TTN: variants seen among roughly 807,000 people sequenced by gnomAD.
TTN encodes connectin.
In TTN, 1,525 loss-of-function variants were observed where a neutral mutation model predicts 3,223.0. That is an observed-to-expected ratio of 0.47 (90% CI 0.45 to 0.49). The LOEUF is 0.49. Ranked by LOEUF, TTN falls within the 20% of genes least tolerant of loss-of-function variation. The pLI, the probability that TTN is intolerant of heterozygous loss-of-function variation, is 0.00. For missense variants in TTN, 40,786 were observed against 43,424.0 expected (o/e 0.94, Z 5.40); for synonymous variants, 14,094 against 15,161.0 (o/e 0.93, Z 5.17).
intron 242 of TTN, 149 bp from the exon 243 acceptor site, chr2:178,622,916 C>G: frequency 1.5e-6 from 1 of 676,486 alleles, no homozygotes; most frequent in Non-Finnish European, 2.5e-6. Flanking sequence ...TTGAAGCTGC[C>G]CATCAGGTAT....
In TTN at chr2:178,562,458, C is replaced by A; in HGVS notation, c.83674G>T (p.Gly27892Cys). Residue 27892 changes from glycine to cysteine, a missense_variant, in exon 326 of 363, where the codon GGC becomes TGC. By Grantham distance (159) the Gly-to-Cys change is radical (BLOSUM62 -3). Coordinates refer to ENST00000589042, the MANE Select transcript of TTN (RefSeq NM_001267550.2). ...ACCACATAACCAGTAATTTTGCTGCCACCATCACTTTCTGGTTTCTCCCAC... is the reference window on the plus strand; with the variant it reads ...ACCACATAACCAGTAATTTTGCTGCAACCATCACTTTCTGGTTTCTCCCAC... ...IKWEKPESDGGSKITGYVVEM... is the reference protein window; with the variant it reads ...IKWEKPESDGCSKITGYVVEM... 6.2e-7 allele frequency: 1 copy of A among 1,613,342 alleles called. No individual in the cohort carries two copies. Among genetic ancestry groups the A allele is most frequent in the South Asian group, 1.1e-5 (1 of 90,990 alleles).
rs372575606 is a variant in TTN, at chr2:178,692,111, C to T, written c.31679-12G>A. ...GGGAACCTCAGGAACTTTAAAGATA[C>T]AATTGTTGAAATAATGTGGAATATT... On this transcript the variant is annotated splice_polypyrimidine_tract_variant and intron_variant, in intron 120 of 362. Transcript: ENST00000589042. 99 of 1,609,364 alleles carry T rather than the reference C, an allele frequency of 6.2e-5. No individual in the cohort carries two copies. The highest frequency in any genetic ancestry group is 8.0e-5 in the Non-Finnish European group (94 of 1,176,494).
Position 178,607,847 on chromosome 2 carries a change from A to T in TTN, c.52940T>A (p.Val17647Asp). The part of the protein sequence containing the change: ...GADYKLRVSA[V>D]NAAGEGPPGE... Reference sequence around the variant, plus strand: ...AGGCGGTCCTTCCCCTGCGGCATTGACAGCACTCACCCGAAGTTTGTAATC... The same window carrying T: ...AGGCGGTCCTTCCCCTGCGGCATTGTCAGCACTCACCCGAAGTTTGTAATC... The change falls in exon 276 of 363, where the codon GTC becomes GAC. Residue 17647 changes from valine to aspartate, a missense_variant. Transcript: ENST00000589042. 1 of 1,613,048 alleles carries T rather than the reference A, an allele frequency of 6.2e-7. No homozygotes were observed. The highest frequency in any genetic ancestry group is 8.5e-7 in the Non-Finnish European group (1 of 1,179,358).
Position 178,591,831 on chromosome 2 carries a change from T to G in TTN, c.59988A>C (p.Leu19996=). ...HVDVDKTEVS[L]VWNKPDRDGG... ...CATCACGATCCGGCTTATTCCAGAC[T>G]AGGGAGACTTCAGTCTTGTCAACAT... is the stretch of plus-strand genomic sequence containing the variant. Residue 19996 remains leucine (L), a synonymous_variant, in exon 303 of 363, where the codon CTA becomes CTC. Coordinates refer to ENST00000589042, the MANE Select transcript of TTN (RefSeq NM_001267550.2). 1 of 1,613,236 alleles carries G rather than the reference T, an allele frequency of 6.2e-7. No homozygotes were observed. Among genetic ancestry groups the G allele is most frequent in the East Asian group, 2.2e-5 (1 of 44,674 alleles).
chr2:178,717,407 G>T lies in TTN; in HGVS notation c.25352-25C>A. On this transcript the variant is annotated intron_variant, in intron 87 of 362. Transcript: ENST00000589042. ...TCTGAAAAGAATGAAGACCAACATGGTGATTTTTATTTCCATGCTCTCACA... is the reference window on the plus strand; with the variant it reads ...TCTGAAAAGAATGAAGACCAACATGTTGATTTTTATTTCCATGCTCTCACA... The T allele has an allele frequency of 2.5e-6, 4 of 1,588,838 alleles. No individual in the cohort carries two copies. The South Asian group carries it at 4.6e-5, about 18-fold the overall frequency.
At chr2:178,606,493 AT>A (rs750026094) in intron 278 of TTN, among the ~76,000 whole-genome samples, 38 of 151,888 alleles carry the variant, frequency 2.5e-4, no homozygotes, top group African/African-American at 7.2e-4. Context: ...TGTGTGTGCA[AT>A]TTTAGTGTTT....
Position 178,567,029 on chromosome 2 carries a change from C to A in TTN, c.79103G>T (p.Gly26368Val), listed in dbSNP as rs371325635. The change falls in exon 326 of 363, where the codon GGT becomes GTT. Residue 26368 changes from glycine (G) to valine (V), a missense_variant. By Grantham distance (109) the Gly-to-Val change is moderately radical (BLOSUM62 -3). Coordinates refer to ENST00000589042, the MANE Select transcript of TTN (RefSeq NM_001267550.2). ...TGCAGATTCCAAAGGCTCTCCAACA[C>A]CATATTTGTTGACAGCCATTATACG... ...VFRIMAVNKY[G>V]VGEPLESAPV... 31 of 1,613,498 alleles carry A rather than the reference C, an allele frequency of 1.9e-5. No homozygotes were observed. The highest frequency in any genetic ancestry group is 2.3e-5 in the Non-Finnish European group (27 of 1,179,664).
rs192953152 is a variant in TTN, at chr2:178,616,934, T to C, written c.47955A>G (p.Pro15985=). The C allele has an allele frequency of 9.0e-5, 145 of 1,612,708 alleles. No homozygotes were observed. The African/African-American group carries it at 1.8e-3, about 20-fold the overall frequency. Reference sequence around the variant, plus strand: ...CAGTTGGCCTTGGATAGCCTGTACTTGGAACCAGGATCGTGATAGGATTTG... The same window carrying C: ...CAGTTGGCCTTGGATAGCCTGTACTCGGAACCAGGATCGTGATAGGATTTG... The part of the protein sequence containing the change: ...IVPNPITILV[P]STGYPRPTAT... The change falls in exon 256 of 363, where the codon CCA becomes CCG. Residue 15985 remains proline, a synonymous_variant. Coordinates refer to ENST00000589042, the MANE Select transcript of TTN (RefSeq NM_001267550.2).
intron 169 of TTN, 49 bp from the exon 170 acceptor site, chr2:178,663,951 GA>G: frequency 6.2e-7 from 1 of 1,611,568 alleles, no homozygotes. Context: ...AAGACCGCTA[GA>G]AAAAAATATT....
At chr2:178,540,974 A>G (rs979255006) in intron 350 of TTN, among the ~76,000 whole-genome samples, 9 of 152,170 alleles carry the variant, frequency 5.9e-5, no homozygotes, top group Admixed American at 1.3e-4. Flanking sequence ...AACTTGTTTT[A>G]AAATTTTAAG....
intron 314 of TTN, 29 bp from the exon 315 acceptor site, chr2:178,582,237 C>T: frequency 2.5e-6 from 4 of 1,584,228 alleles, no homozygotes; most frequent in Admixed American, 2.0e-5. Flanking sequence ...AAGTTAATTT[C>T]CCAGGCTAAA....
At position 178,684,092 on chromosome 2, in the gene TTN, G is replaced by A; in HGVS notation, c.32723-10C>T. Reference sequence around the variant, plus strand: ...TTCGGTTCCTCTGGCACTTTAAAGAGAGATTTCACTTTAAAGTATTGTTTC... The same window carrying A: ...TTCGGTTCCTCTGGCACTTTAAAGAAAGATTTCACTTTAAAGTATTGTTTC... On this transcript the variant is annotated splice_polypyrimidine_tract_variant and intron_variant, in intron 132 of 362. Transcript: ENST00000589042. 6.2e-7 allele frequency: 1 copy of A among 1,611,506 alleles called. No homozygotes were observed. The highest frequency in any genetic ancestry group is 1.1e-5 in the South Asian group (1 of 90,594).
Position 178,545,989 on chromosome 2 carries a change from C to A in TTN, c.95247G>T (p.Glu31749Asp). 6.2e-7 allele frequency: 1 copy of A among 1,613,812 alleles called. No homozygotes were observed. Among genetic ancestry groups the A allele is most frequent in the South Asian group, 1.1e-5 (1 of 91,088 alleles). The change falls in exon 343 of 363, where the codon GAG becomes GAT. Residue 31749 changes from glutamate (E) to aspartate (D), a missense_variant. By Grantham distance (45) the Glu-to-Asp change is conservative. Coordinates refer to ENST00000589042, the MANE Select transcript of TTN (RefSeq NM_001267550.2). The part of the protein sequence containing the change: ...EITHYIVERR[E>D]TSRLNWVIVE... ...CAATCACCCAGTTGAGCCTGCTAGT[C>A]TCGCGTCTTTCCACGATGTAGTGAG...
At chr2:178,727,510 TAG>T in intron 68 of TTN, 73 bp downstream of exon 68, 1 of 1,514,192 alleles carries the variant, frequency 6.6e-7, no homozygotes, top group Non-Finnish European at 8.8e-7. Flanking sequence ...CTTGATTGTT[TAG>T]AGACATTGTA....
chr2:178,747,198 C>T, intron 47 of TTN: 1 of 1,611,402 alleles, frequency 6.2e-7, no homozygotes, highest in Non-Finnish European at 8.5e-7. Flanking sequence ...TCTAGAGTCT[C>T]TCCTGGAGGT....
rs1023012087 is a variant in TTN at position 178,769,667 on chromosome 2, T to A, written c.8902+12A>T. 7.6e-6 allele frequency: 12 copies of A among 1,587,538 alleles called. No individual in the cohort carries two copies. The highest frequency in any genetic ancestry group is 1.0e-5 in the Non-Finnish European group (12 of 1,159,856). On this transcript the variant is annotated intron_variant, in intron 37 of 362. Transcript: ENST00000589042. Reference sequence around the variant, plus strand: ...TATATGTGTATATATATATATATATTTTTTAACTTACGGGTGACTGTCAGG... The same window carrying A: ...TATATGTGTATATATATATATATATATTTTAACTTACGGGTGACTGTCAGG...
In TTN at chr2:178,667,622, C is replaced by A. The variant is rs766871721; in HGVS notation, c.35629+16G>T. 1.3e-6 allele frequency: 2 copies of A among 1,587,766 alleles called. No individual in the cohort carries two copies. The highest frequency in any genetic ancestry group is 2.2e-5 in the South Asian group (2 of 89,322). On this transcript the variant is annotated intron_variant, in intron 160 of 362. Coordinates refer to ENST00000589042, the MANE Select transcript of TTN (RefSeq NM_001267550.2). ...AAAATAATTTTTCTTCAGAGTGGAT[C>A]ATTGGTGTTATATACCTTTTGCTAG... is the stretch of plus-strand genomic sequence containing the variant.
At position 178,538,550 on chromosome 2, in the gene TTN, A is replaced by G; in HGVS notation, c.99279T>C (p.Thr33093=). The change falls in exon 354 of 363, where the codon ACT becomes ACC. Residue 33093 remains threonine (T), a synonymous_variant. Transcript: ENST00000589042. The part of the protein sequence containing the change: ...RPRRTAMSIK[T]KLTSGEAPGI... ...CCAAAGGCTACTTACATGTGAGTTTAGTCTTTATAGACATAGCAGTTCTGC... is the reference window on the plus strand; with the variant it reads ...CCAAAGGCTACTTACATGTGAGTTTGGTCTTTATAGACATAGCAGTTCTGC... The G allele has an allele frequency of 1.2e-6, 2 of 1,608,782 alleles. No homozygotes were observed. Among genetic ancestry groups the G allele is most frequent in the African/African-American group, 1.3e-5 (1 of 74,872 alleles).
At position 178,562,243 on chromosome 2, in the gene TTN, A is replaced by G. The variant is rs147032141; in HGVS notation, c.83889T>C (p.Pro27963=). Residue 27963 remains proline (P), a synonymous_variant, in exon 326 of 363, where the codon CCT becomes CCC. Transcript: ENST00000589042. ...PVIARDIEIK[P]SVELPFHTFN... is the part of the protein sequence containing the mutation. The stretch of plus-strand genomic sequence containing the variant: ...AAGTATGGAAAGGAAGCTCAACTGA[A>G]GGCTTTATTTCAATATCCCTTGCAA... 6.2e-7 allele frequency: 1 copy of G among 1,613,072 alleles called. No individual in the cohort carries two copies. Among genetic ancestry groups the G allele is most frequent in the African/African-American group, 1.3e-5 (1 of 74,988 alleles).
Sources: allele counts gnomAD v4.1 joint callset (sites outside exome capture counted in the v4.1 genomes callset), GRCh38; gene constraint gnomAD v4.1.1; transcripts MANE v1.5; gene names NCBI Gene and HGNC (gene_info 2026-07-23, HGNC 2026-07-21).